SUN1: variants seen among roughly 807,000 people sequenced by gnomAD.
SUN1 encodes Sad1 and UNC84 domain containing 1.
Under a neutral mutation model 103.2 loss-of-function variants are expected in SUN1, and 61 were observed. That is an observed-to-expected ratio of 0.59 (90% CI 0.48 to 0.73). The LOEUF is 0.73. Among genes scored for constraint, SUN1 ranks in the 30% least tolerant of loss-of-function variants. The pLI is 0.00. For missense variants in SUN1, 1,052 were observed against 1,034.6 expected (o/e 1.02, Z -0.23); for synonymous variants, 490 against 425.7 (o/e 1.15, Z -1.86).
rs752578715 is a variant in SUN1, at chr7:860,262, C to G, written c.1659C>G (p.Asp553Glu). The G allele has an allele frequency of 4.3e-6, 7 of 1,614,262 alleles. No homozygotes were observed. Among genetic ancestry groups the G allele is most frequent in the Admixed American group, 1.7e-5 (1 of 60,020 alleles). ...GCGACTTGCAGACGATGCTGCGAGA[C>G]CTGCAGCTGCAGATCCTGCGGAACG... Reference protein sequence around the residue: ...SKGDLQTMLRDLQLQILRNVT... With the variant: ...SKGDLQTMLRELQLQILRNVT... The change falls in exon 14 of 19, where the codon GAC becomes GAG. Residue 553 changes from aspartate to glutamate, a missense_variant. Asp to Glu is a conservative substitution (Grantham distance 45). Transcript: ENST00000401592.
chr7:823,639 G>A (rs1021423652), intron 1 of SUN1, among the ~76,000 whole-genome samples: 1 of 152,200 alleles, frequency 6.6e-6, no homozygotes, highest in Non-Finnish European at 1.5e-5. Context: ...GCCATGGGGG[G>A]AGTCTGTGCG....
At chr7:846,162 A>G (rs1192797807) in intron 5 of SUN1, among the ~76,000 whole-genome samples, 1 of 151,930 alleles carries the variant, frequency 6.6e-6, no homozygotes, top group East Asian at 1.9e-4. Context: ...AGGCTGGAGT[A>G]CAGTGATGTG....
intron 1 of SUN1, chr7:817,644 A>G (rs909560584): frequency 1.0e-6 from 1 of 981,704 alleles, no homozygotes; most frequent in East Asian, 2.6e-5. Flanking sequence ...TGCGGCTCTA[A>G]TTGCTAAAGC....
Position 825,075 on chromosome 7 carries a change from T to C in SUN1, c.-74+8402T>C, listed in dbSNP as rs191860337. ...TTTATTACGATAATTTTTTTTTTTTTTTAGGCGGAGTCTTGCTCGGTCACC... is the reference window on the plus strand; with the variant it reads ...TTTATTACGATAATTTTTTTTTTTTCTTAGGCGGAGTCTTGCTCGGTCACC... On this transcript the variant is annotated intron_variant, in intron 1 of 17. Transcript: ENST00000389574. Among the ~76,000 whole-genome samples, 30 of 152,274 alleles carry C rather than the reference T, an allele frequency of 2.0e-4. No individual in the cohort carries two copies. In the East Asian group the frequency reaches 5.8e-3, roughly 29 times the overall value.
rs1843042978 is a variant in SUN1, at chr7:873,570, C to T, written c.*239C>T. The T allele has an allele frequency of 2.2e-5, 10 of 456,822 alleles. No homozygotes were observed. The South Asian group carries it at 3.2e-4, about 15-fold the overall frequency. 28.3% of individuals were successfully genotyped at this position (456,822 alleles called of 1,614,324 possible). A position where few individuals can be genotyped will look rare whatever the true frequency, so the allele number is the denominator to read the frequency against. On this transcript the variant is annotated 3_prime_UTR_variant, in exon 19 of 19. Transcript: ENST00000401592. ...CAGGAGAAGCGTGTTGAACACGTGG[C>T]TCTCAGACACTCCTTGTTTTTAACG...
chr7:841,832 G>A, intron 2 of SUN1, 114 bp from the exon 3 acceptor site: 1 of 1,116,932 alleles, frequency 9.0e-7, no homozygotes, highest in Non-Finnish European at 1.3e-6. Flanking sequence ...ATAGGAAAAT[G>A]GTTTGCCTTA....
chr7:829,416 A>G (rs1023093713), upstream of SUN1, among the ~76,000 whole-genome samples: 8 of 152,188 alleles, frequency 5.3e-5, no homozygotes, highest in African/African-American at 1.9e-4. Flanking sequence ...CGAGCAGTGC[A>G]AGGGCTGGGG....
At chr7:832,759 G>GT (rs1271352675) in intron 1 of SUN1, among the ~76,000 whole-genome samples, 158 bp downstream of exon 1, 2 of 152,200 alleles carry the variant, frequency 1.3e-5, no homozygotes, top group Non-Finnish European at 2.9e-5. Context: ...TTTAGAGGTG[G>GT]TTTTTTCTTA....
rs544166436 is a variant in SUN1 at position 853,328 on chromosome 7, A to G, written c.1054-81A>G. ...CGCCCCAGAGCTGGCGTCTTGCTGT[A>G]GGACACTGTTTGGAGGTTTAACTGA... On this transcript the variant is annotated intron_variant, in intron 9 of 18. Coordinates refer to ENST00000401592, the MANE Select transcript of SUN1 (RefSeq NM_001130965.3). 8.1e-5 allele frequency: 122 copies of G among 1,515,036 alleles called. 1 individual carries two copies. The South Asian group carries it at 1.2e-3, about 15-fold the overall frequency. 93.8% of individuals were successfully genotyped at this position (1,515,036 alleles called of 1,614,324 possible).
In SUN1 at chr7:832,558, C is replaced by T. The variant is rs1232081746; in HGVS notation, c.34C>T (p.Pro12Ser). The change falls in exon 1 of 19, where the codon CCC (proline) becomes TCC (serine). Residue 12 changes from proline (P) to serine (S), a missense_variant. Physicochemically the swap from Pro to Ser is moderately conservative, Grantham distance 74. Around this residue, in one of 2 missense-constraint regions of SUN1, gnomAD observed 846 missense variants for 774.5 expected, o/e 1.09. Transcript: ENST00000401592. ...TTCTCGGCTTCACATGTACAGTCCT[C>T]CCCAGTGTGTGCCGGAGAACACGGG... ...DFSRLHMYSPPQCVPENTGYT... is the reference protein window; with the variant it reads ...DFSRLHMYSPSQCVPENTGYT... 1 of 1,613,304 alleles carries T rather than the reference C, an allele frequency of 6.2e-7. No homozygotes were observed. Among genetic ancestry groups the T allele is most frequent in the Non-Finnish European group, 8.5e-7 (1 of 1,179,586 alleles).
chr7:853,524 T>C lies in SUN1; in HGVS notation c.1169T>C (p.Leu390Pro), dbSNP rs760190946. The change falls in exon 10 of 19, where the codon CTA (leucine) becomes CCA (proline). Residue 390 changes from leucine (L) to proline (P), a missense_variant. By Grantham distance (98) the Leu-to-Pro change is moderately conservative. Around this residue, in one of 2 missense-constraint regions of SUN1, gnomAD observed 846 missense variants for 774.5 expected, o/e 1.09. Coordinates refer to ENST00000401592, the MANE Select transcript of SUN1 (RefSeq NM_001130965.3). ...AATCTCCGAGAGCTGACCACTTTGC[T>C]ACAGAAGCTGCAGGCTCGGGTGGAC... ...GENLRELTTL[L>P]QKLQARVDQM... 2 of 1,613,758 alleles carry C rather than the reference T, an allele frequency of 1.2e-6. No individual in the cohort carries two copies. The highest frequency in any genetic ancestry group is 1.7e-5 in the Admixed American group (1 of 60,026).
At chr7:845,334 G>A (rs1012465850) in intron 5 of SUN1, among the ~76,000 whole-genome samples, 8 of 152,192 alleles carry the variant, frequency 5.3e-5, no homozygotes, top group Non-Finnish European at 1.0e-4. Context: ...TGTCGGTCTT[G>A]GGTGTTTTGG....
upstream of SUN1, among the ~76,000 whole-genome samples, chr7:829,585 C>T (rs1420126539): frequency 3.4e-5 from 5 of 147,822 alleles, no homozygotes; most frequent in Non-Finnish European, 4.5e-5. Flanking sequence ...GATGGAGTCT[C>T]GCTCTGTCGC....
intron 1 of SUN1, among the ~76,000 whole-genome samples, chr7:834,288 A>G (rs1800802310): frequency 6.6e-6 from 1 of 152,018 alleles, no homozygotes; most frequent in Non-Finnish European, 1.5e-5. Context: ...AAGGATTTAA[A>G]GGTGGGGGGC....
At chr7:833,342 TCA>T (rs1799699731) in intron 1 of SUN1, 1 of 149,992 alleles carries the variant, frequency 6.7e-6, no homozygotes, top group African/African-American at 2.5e-5. Context: ...AGACAGAGTC[TCA>T]CCGTCGCCCA....
chr7:868,179 C>T (rs1838582604), intron 16 of SUN1, among the ~76,000 whole-genome samples: 1 of 152,258 alleles, frequency 6.6e-6, no homozygotes, highest in South Asian at 2.1e-4. Flanking sequence ...TCCTCACACA[C>T]TGAAGGCAGG....
chr7:873,404 C>A lies in SUN1; in HGVS notation c.*73C>A. Reference sequence around the variant, plus strand: ...GTGAAACACTGGAATCCTTCATGGACGAGGGCATATACAATGATGGGACAG... The same window carrying A: ...GTGAAACACTGGAATCCTTCATGGAAGAGGGCATATACAATGATGGGACAG... On this transcript the variant is annotated 3_prime_UTR_variant, in exon 19 of 19. Transcript: ENST00000401592. 7.5e-7 allele frequency: 1 copy of A among 1,334,032 alleles called. No individual in the cohort carries two copies. Among genetic ancestry groups the A allele is most frequent in the Non-Finnish European group, 1.1e-6 (1 of 930,254 alleles). 82.6% of individuals were successfully genotyped at this position (1,334,032 alleles called of 1,614,324 possible). A position where few individuals can be genotyped will look rare whatever the true frequency, so the allele number is the denominator to read the frequency against.
chr7:832,455 C>G (rs776456724), upstream of SUN1: 1 of 1,499,592 alleles, frequency 6.7e-7, no homozygotes, highest in Admixed American at 1.9e-5. Context: ...GGAATGCGCT[C>G]GATTTCCTGC....
At chr7:835,283 A>G (rs1267250074) in intron 1 of SUN1, among the ~76,000 whole-genome samples, 1 of 151,956 alleles carries the variant, frequency 6.6e-6, no homozygotes, top group Non-Finnish European at 1.5e-5. Context: ...GTGGCCTGGC[A>G]CTCTCCTCAC....
Sources: allele counts gnomAD v4.1 joint callset (sites outside exome capture counted in the v4.1 genomes callset), GRCh38; gene constraint gnomAD v4.1.1; regional missense constraint gnomAD v4.1.1; transcripts MANE v1.5; gene names NCBI Gene and HGNC (gene_info 2026-07-23, HGNC 2026-07-21).